Variants in FXR1 observed in about 807,000 individuals in gnomAD.
The protein encoded by FXR1 is RNA-binding protein FXR1.
FXR1 carries 15 observed loss-of-function variants against 84.0 expected under a neutral mutation model. The observed-to-expected ratio is 0.18, with a 90% CI of 0.12 to 0.27. The LOEUF (loss-of-function observed/expected upper bound fraction) is 0.27. FXR1 is among the 10% of genes least tolerant of loss of function. The pLI, the probability that FXR1 is intolerant of heterozygous loss-of-function variation, is 1.00. For synonymous variants in FXR1, 245 were observed against 250.7 expected (o/e 0.98, Z 0.21); for missense variants, 480 against 774.4 (o/e 0.62, Z 4.51).
At position 180,953,892 on chromosome 3, in the gene FXR1, A is replaced by T. The variant is rs189987460; in HGVS notation, c.880+52A>T. ...AAGTTAATAAACATTATTTAGTTAC[A>T]TATAGCGACTTAATTGAAAACTAGT... On this transcript the variant is annotated intron_variant, in intron 9 of 16. Transcript: ENST00000357559. 329 of 899,192 alleles carry T rather than the reference A, an allele frequency of 3.7e-4. 3 individuals are homozygous for T. In the East Asian group the frequency reaches 7.3e-3, roughly 20 times the overall value. The allele number at this position is 899,192 out of a possible 1,614,324, so 55.7% of individuals were successfully genotyped here.
Position 180,957,881 on chromosome 3 carries a change from C to A in FXR1, c.943C>A (p.Arg315=). 2 of 1,588,376 alleles carry A rather than the reference C, an allele frequency of 1.3e-6. No homozygotes were observed. The highest frequency in any genetic ancestry group is 1.7e-6 in the Non-Finnish European group (2 of 1,160,534). Residue 315 remains arginine (R), a synonymous_variant, in exon 10 of 17, where the codon CGA becomes AGA. Transcript: ENST00000357559. ...AATAGTGGACAAATCTGGTGTGGTT[C>A]GAGTGAGAATTGAAGGGGACAATGA... ...QEIVDKSGVV[R]VRIEGDNENK...
chr3:180,940,128 T>C (rs1720961472), intron 3 of FXR1, among the ~76,000 whole-genome samples: 1 of 152,230 alleles, frequency 6.6e-6, no homozygotes, highest in Admixed American at 6.5e-5. Flanking sequence ...ATATGATTTA[T>C]AGTAGAAAGT....
At chr3:180,948,097 T>C (rs1721879860) in intron 4 of FXR1, 161 bp downstream of exon 4, 1 of 612,024 alleles carries the variant, frequency 1.6e-6, no homozygotes, top group East Asian at 2.8e-5. Flanking sequence ...GTTTGTGTTC[T>C]GTATTGGCAA....
chr3:180,918,837 C>T (rs1179625721), intron 1 of FXR1, among the ~76,000 whole-genome samples: 1 of 152,170 alleles, frequency 6.6e-6, no homozygotes, highest in Non-Finnish European at 1.5e-5. Context: ...GTGCCTTACT[C>T]GAATTTCCCA....
intron 15 of FXR1, among the ~76,000 whole-genome samples, chr3:180,972,545 T>C (rs1713713791): frequency 6.6e-6 from 1 of 152,148 alleles, no homozygotes; most frequent in African/African-American, 2.4e-5. Flanking sequence ...AACAAGAAAA[T>C]TCAGGCTATC....
At chr3:180,939,069 A>C (rs1207356714) in intron 3 of FXR1, among the ~76,000 whole-genome samples, 35 of 151,204 alleles carry the variant, frequency 2.3e-4, no homozygotes, top group Admixed American at 2.2e-3. Context: ...TAATTTTTTT[A>C]TTTTTAGTAG....
At chr3:180,975,922 G>C (rs892706609) in intron 16 of FXR1, among the ~76,000 whole-genome samples, 200 bp from the exon 17 acceptor site, 2 of 152,144 alleles carry the variant, frequency 1.3e-5, no homozygotes, top group Admixed American at 1.3e-4. Flanking sequence ...CTAGGTACTA[G>C]AGATACAAAG....
intron 7 of FXR1, among the ~76,000 whole-genome samples, chr3:180,950,746 G>A (rs1252051889): frequency 4.0e-5 from 6 of 151,776 alleles, no homozygotes; most frequent in African/African-American, 1.5e-4. Context: ...TCTTTTTTGT[G>A]ACTGGCATAT....
intron 3 of FXR1, among the ~76,000 whole-genome samples, chr3:180,939,914 G>A (rs998867388): frequency 1.3e-5 from 2 of 152,134 alleles, no homozygotes; most frequent in Non-Finnish European, 2.9e-5. Flanking sequence ...TTAAAGACTT[G>A]AGCCATAAGA....
intron 1 of FXR1, among the ~76,000 whole-genome samples, chr3:180,927,319 C>T (rs1227547082): frequency 2.6e-5 from 4 of 151,996 alleles, no homozygotes; most frequent in African/African-American, 7.2e-5. Context: ...TGTATTGTTT[C>T]AACTTTCCTT....
chr3:180,962,050 A>C (rs1187611681), intron 11 of FXR1, among the ~76,000 whole-genome samples: 1 of 152,226 alleles, frequency 6.6e-6, no homozygotes, highest in Non-Finnish European at 1.5e-5. Context: ...AAAATAGTCT[A>C]TTTGAGTTGA....
chr3:180,961,406 C>A, intron 10 of FXR1, 62 bp from the exon 11 acceptor site: 2 of 667,966 alleles, frequency 3.0e-6, no homozygotes, highest in South Asian at 1.8e-5. Context: ...TTTCATGTCA[C>A]TTTTAGGCTA....
chr3:180,932,681 C>T lies in FXR1; in HGVS notation c.52-653C>T, dbSNP rs921959050. Among the ~76,000 whole-genome samples the T allele has an allele frequency of 4.5e-4, 69 of 152,088 alleles. 2 individuals carry two copies. The highest frequency in any genetic ancestry group is 2.9e-5 in the Non-Finnish European group (2 of 68,022). On this transcript the variant is annotated intron_variant, in intron 1 of 16. Coordinates refer to ENST00000357559, the MANE Select transcript of FXR1 (RefSeq NM_005087.4). ...AACATAATCGTGAACAGTGTACTCA[C>T]TATAGCCCAATTTTCTTTTAAGGGA... is the stretch of plus-strand genomic sequence containing the variant.
intron 1 of FXR1, among the ~76,000 whole-genome samples, chr3:180,918,348 G>A (rs1239713161): frequency 1.3e-5 from 2 of 151,100 alleles, no homozygotes; most frequent in African/African-American, 4.9e-5. Context: ...ATTTAGATCA[G>A]GCTGGTCTCA....
chr3:180,919,285 T>G (rs1313623127), intron 1 of FXR1, among the ~76,000 whole-genome samples: 1 of 120,088 alleles, frequency 8.3e-6, no homozygotes, highest in African/African-American at 4.4e-5. Context: ...TTTTTTTATT[T>G]TTGTTTTTTT....
intron 3 of FXR1, among the ~76,000 whole-genome samples, chr3:180,939,991 T>C (rs563179166): frequency 6.6e-6 from 1 of 152,286 alleles, no homozygotes; most frequent in East Asian, 1.9e-4. Flanking sequence ...CACTAACATT[T>C]TGTTACATTA....
At chr3:180,936,537 G>A (rs1216801704) in intron 3 of FXR1, among the ~76,000 whole-genome samples, 1 of 152,124 alleles carries the variant, frequency 6.6e-6, no homozygotes, top group Non-Finnish European at 1.5e-5. Flanking sequence ...CAAAGTTCTG[G>A]GATTACAGGT....
At chr3:180,928,992 G>C (rs1290381271) in intron 1 of FXR1, among the ~76,000 whole-genome samples, 1 of 151,810 alleles carries the variant, frequency 6.6e-6, no homozygotes, top group Non-Finnish European at 1.5e-5. Context: ...CGCTTTCTCG[G>C]CTCACTGCAG....
chr3:180,935,391 T>C (rs1720406601), intron 3 of FXR1, among the ~76,000 whole-genome samples, 160 bp downstream of exon 3: 1 of 152,224 alleles, frequency 6.6e-6, no homozygotes, highest in Non-Finnish European at 1.5e-5. Context: ...GCTTGAGTTT[T>C]GGAGTTAGAA....
Sources: gnomAD v4.1 joint callset for allele counts (sites outside exome capture counted in the v4.1 genomes callset) on GRCh38, gnomAD v4.1.1 for gene constraint, MANE v1.5 for transcripts, NCBI Gene and HGNC (gene_info 2026-07-23, HGNC 2026-07-21) for gene names.